Variants in PRKCA observed in about 807,000 individuals in gnomAD.
The protein encoded by PRKCA is protein kinase C alpha type.
Under a neutral mutation model 87.0 loss-of-function variants are expected in PRKCA, and 27 were observed. The ratio of observed to expected loss-of-function variants is 0.31; its 90% CI spans 0.23 to 0.43. The LOEUF (loss-of-function observed/expected upper bound fraction) is 0.43. Ranked by LOEUF, PRKCA falls within the 20% of genes least tolerant of loss-of-function variation. PRKCA has a pLI of 1.00. For missense variants in PRKCA, 518 were observed against 852.3 expected (o/e 0.61, Z 4.88); for synonymous variants, 329 against 311.1 (o/e 1.06, Z -0.61).
At chr17:66,496,533 A>G (rs889075502) in intron 3 of PRKCA, among the ~76,000 whole-genome samples, 1 of 152,190 alleles carries the variant, frequency 6.6e-6, no homozygotes, top group Non-Finnish European at 1.5e-5. Flanking sequence ...CATTGACTAA[A>G]TCCACCAAAT....
At chr17:66,737,570 A>G (rs1974065187) in intron 10 of PRKCA, among the ~76,000 whole-genome samples, 1 of 152,150 alleles carries the variant, frequency 6.6e-6, no homozygotes, top group Non-Finnish European at 1.5e-5. Flanking sequence ...CTTGGGAGGA[A>G]CCTCTCAGTG....
rs896125501 is a variant in PRKCA, at chr17:66,555,098, G to A, written c.288+58815G>A. ...TCACCCTGTTGCCCAGGCTCGTCTC[G>A]AACTCCTGAGCTCAGGCAATCCACC... On this transcript the variant is annotated intron_variant, in intron 3 of 16. Transcript: ENST00000413366. Among the ~76,000 whole-genome samples, 10 of 151,988 alleles carry A rather than the reference G, an allele frequency of 6.6e-5. No individual in the cohort carries two copies. The East Asian group carries it at 1.4e-3, about 21-fold the overall frequency.
chr17:66,564,262 A>T (rs142005957), intron 3 of PRKCA, among the ~76,000 whole-genome samples: 2 of 152,176 alleles, frequency 1.3e-5, no homozygotes, highest in African/African-American at 4.8e-5. Context: ...TATTTTTAGT[A>T]AAGATGAGGT....
At chr17:66,710,946 G>A (rs1973310767) in intron 8 of PRKCA, among the ~76,000 whole-genome samples, 1 of 152,094 alleles carries the variant, frequency 6.6e-6, no homozygotes, top group African/African-American at 2.4e-5. Context: ...GGGAGGCTGA[G>A]GTAGGAGAAT....
intron 2 of PRKCA, among the ~76,000 whole-genome samples, chr17:66,449,720 G>A (rs1013772336): frequency 6.6e-6 from 1 of 152,294 alleles, no homozygotes; most frequent in African/African-American, 2.4e-5. Flanking sequence ...GGCTTCCAGG[G>A]CTGAGGTTGT....
chr17:66,627,311 G>A (rs917854736), intron 3 of PRKCA, among the ~76,000 whole-genome samples: 1 of 152,248 alleles, frequency 6.6e-6, no homozygotes, highest in Non-Finnish European at 1.5e-5. Context: ...GTGGGGGTTG[G>A]GGGGAATGTA....
chr17:66,633,334 C>T (rs932224849), intron 3 of PRKCA, among the ~76,000 whole-genome samples: 2 of 152,088 alleles, frequency 1.3e-5, no homozygotes, highest in African/African-American at 4.8e-5. Flanking sequence ...TTCCTACTTC[C>T]CTAAATTTCT....
At chr17:66,565,499 A>G (rs1408717209) in intron 3 of PRKCA, among the ~76,000 whole-genome samples, 1 of 152,232 alleles carries the variant, frequency 6.6e-6, no homozygotes, top group Non-Finnish European at 1.5e-5. Flanking sequence ...TATGAATCGT[A>G]GCTCCACAAT....
chr17:66,731,587 T>C (rs1283304162), intron 8 of PRKCA, among the ~76,000 whole-genome samples: 1 of 151,962 alleles, frequency 6.6e-6, no homozygotes, highest in African/African-American at 2.4e-5. Context: ...AGACTTCCCG[T>C]GGGTTTACTG....
chr17:66,490,947 A>G (rs1206194984), intron 2 of PRKCA, among the ~76,000 whole-genome samples: 3 of 152,220 alleles, frequency 2.0e-5, no homozygotes, highest in African/African-American at 7.2e-5. Flanking sequence ...ACTTTCGACA[A>G]GTGGTGAAAA....
intron 2 of PRKCA, among the ~76,000 whole-genome samples, chr17:66,323,003 C>T (rs74363685): frequency 1.2e-4 from 18 of 152,298 alleles, no homozygotes; most frequent in Non-Finnish European, 2.5e-4. Flanking sequence ...AGATTCATGG[C>T]TTCCTCATGC....
At chr17:66,570,065 T>A (rs533224150) in intron 3 of PRKCA, among the ~76,000 whole-genome samples, 8 of 152,306 alleles carry the variant, frequency 5.3e-5, no homozygotes, top group African/African-American at 1.9e-4. Flanking sequence ...CAGCCCTGAA[T>A]GAAAAACCTG....
chr17:66,434,658 T>G (rs1218778657), intron 2 of PRKCA, among the ~76,000 whole-genome samples: 1 of 152,134 alleles, frequency 6.6e-6, no homozygotes, highest in Non-Finnish European at 1.5e-5. Flanking sequence ...GCACACGCCT[T>G]TTTTCCCCGA....
intron 2 of PRKCA, among the ~76,000 whole-genome samples, chr17:66,349,083 C>CAGCT (rs1907577891): frequency 6.6e-6 from 1 of 152,184 alleles, no homozygotes; most frequent in South Asian, 2.1e-4. Context: ...ACAATGTGAG[C>CAGCT]AGCTGAGTGT....
intron 2 of PRKCA, among the ~76,000 whole-genome samples, chr17:66,383,690 C>G (rs765739666): frequency 3.3e-5 from 5 of 152,136 alleles, no homozygotes; most frequent in Non-Finnish European, 5.9e-5. Flanking sequence ...AAAATCCTGT[C>G]AAACTCTAAG....
intron 8 of PRKCA, among the ~76,000 whole-genome samples, chr17:66,695,008 G>A (rs1333031139): frequency 1.3e-5 from 2 of 152,158 alleles, no homozygotes; most frequent in African/African-American, 4.8e-5. Context: ...GTAGGGGAAG[G>A]GGAAAGGTGA....
intron 2 of PRKCA, among the ~76,000 whole-genome samples, chr17:66,325,957 A>G (rs1905956109): frequency 6.6e-6 from 1 of 152,146 alleles, no homozygotes; most frequent in East Asian, 1.9e-4. Context: ...ACCTCCATCT[A>G]TGAGTGGCTA....
chr17:66,478,472 T>G (rs1326102189), intron 2 of PRKCA, among the ~76,000 whole-genome samples: 1 of 152,174 alleles, frequency 6.6e-6, no homozygotes, highest in Non-Finnish European at 1.5e-5. Context: ...CAGGCTGGTC[T>G]TGAACTCCTG....
intron 16 of PRKCA, among the ~76,000 whole-genome samples, chr17:66,801,145 G>A (rs1975889653): frequency 6.6e-6 from 1 of 152,196 alleles, no homozygotes; most frequent in Admixed American, 6.5e-5. Context: ...GGCTGCTCCT[G>A]CCTGATTCCC....
Sources: allele counts gnomAD v4.1 joint callset (sites outside exome capture counted in the v4.1 genomes callset), GRCh38; gene constraint gnomAD v4.1.1; transcripts MANE v1.5; gene names NCBI Gene and HGNC (gene_info 2026-07-23, HGNC 2026-07-21).